Variants in CERT1 observed in about 807,000 individuals in gnomAD.
The protein encoded by CERT1 is ceramide transporter 1, also known as ceramide transfer protein.
In CERT1, 31 loss-of-function variants were observed where a neutral mutation model predicts 87.9. The ratio of observed to expected loss-of-function variants is 0.35; its 90% confidence interval spans 0.27 to 0.48. The LOEUF (loss-of-function observed/expected upper bound fraction) is 0.48. Ranked by LOEUF, CERT1 falls within the 20% of genes least tolerant of loss-of-function variation. The pLI is 0.99. For missense variants in CERT1, 487 were observed against 758.0 expected (o/e 0.64, Z 4.20); for synonymous variants, 289 against 250.9 (o/e 1.15, Z -1.44).
chr5:75,402,141 T>A (rs1200705656), intron 9 of CERT1: 14 of 152,144 alleles, frequency 9.2e-5, no homozygotes. Flanking sequence ...GTAACTGCTA[T>A]ACACTCAATA....
intron 3 of CERT1, among the ~76,000 whole-genome samples, chr5:75,458,383 CA>C (rs1446387810): frequency 1.3e-5 from 2 of 151,974 alleles, no homozygotes; most frequent in Non-Finnish European, 2.9e-5. Context: ...TAACAAAAAT[CA>C]ACATTGAAAC....
intron 2 of CERT1, among the ~76,000 whole-genome samples, chr5:75,492,692 A>G (rs117196531): frequency 6.6e-6 from 1 of 152,198 alleles, no homozygotes; most frequent in East Asian, 1.9e-4. Context: ...TGAGATTGTT[A>G]GAACAAATAG....
intron 3 of CERT1, among the ~76,000 whole-genome samples, chr5:75,458,105 C>CAT (rs1765077902): frequency 6.6e-6 from 1 of 152,032 alleles, no homozygotes; most frequent in Non-Finnish European, 1.5e-5. Flanking sequence ...TCTCTTAAGT[C>CAT]ATACTCAAGA....
intron 5 of CERT1, among the ~76,000 whole-genome samples, chr5:75,422,165 C>T (rs1473472466): frequency 6.6e-6 from 1 of 152,098 alleles, no homozygotes; most frequent in Non-Finnish European, 1.5e-5. Context: ...GGGTATGATA[C>T]AATTATTTCT....
At chr5:75,474,528 T>C (rs1017434723) in intron 2 of CERT1, among the ~76,000 whole-genome samples, 3 of 152,116 alleles carry the variant, frequency 2.0e-5, no homozygotes, top group Non-Finnish European at 4.4e-5. Flanking sequence ...TAAATGATTT[T>C]AGGCACTAAT....
intron 3 of CERT1, among the ~76,000 whole-genome samples, chr5:75,456,552 T>A (rs985501485): frequency 2.0e-5 from 3 of 150,188 alleles, no homozygotes; most frequent in African/African-American, 7.4e-5. Flanking sequence ...TGCATGCCTG[T>A]AGTCCCAGCT....
intron 2 of CERT1, among the ~76,000 whole-genome samples, chr5:75,489,452 G>C (rs1766673317): frequency 6.6e-6 from 1 of 152,154 alleles, no homozygotes; most frequent in African/African-American, 2.4e-5. Flanking sequence ...TCATCAGAGT[G>C]AACAGGCAAC....
intron 2 of CERT1, among the ~76,000 whole-genome samples, chr5:75,464,750 A>AT (rs916993778): frequency 2.0e-5 from 3 of 151,876 alleles, no homozygotes; most frequent in African/African-American, 7.3e-5. Context: ...TAATTTTTGT[A>AT]TTTTTTGTAG....
intron 2 of CERT1, among the ~76,000 whole-genome samples, chr5:75,501,048 G>GCAT (rs1277378283): frequency 6.6e-6 from 1 of 151,384 alleles, no homozygotes; most frequent in Non-Finnish European, 1.5e-5. Context: ...GAGGGCAATG[G>GCAT]CATCACCTTG....
chr5:75,390,453 A>T (rs977679655), intron 11 of CERT1, among the ~76,000 whole-genome samples: 1 of 151,950 alleles, frequency 6.6e-6, no homozygotes, highest in Admixed American at 6.6e-5. Flanking sequence ...TCCTTTTAAA[A>T]TTTTTTAATT....
chr5:75,441,789 AT>A (rs1764335142), intron 3 of CERT1, among the ~76,000 whole-genome samples: 1 of 152,128 alleles, frequency 6.6e-6, no homozygotes, highest in African/African-American at 2.4e-5. Context: ...GATATACCAC[AT>A]TTTGCTTATA....
intron 12 of CERT1, among the ~76,000 whole-genome samples, chr5:75,389,076 T>C (rs1047840401): frequency 6.6e-6 from 1 of 152,224 alleles, no homozygotes; most frequent in Non-Finnish European, 1.5e-5. Flanking sequence ...AATCCATCTC[T>C]GTATCTCTCA....
chr5:75,473,839 A>G (rs1341348545), intron 2 of CERT1, among the ~76,000 whole-genome samples: 1 of 152,216 alleles, frequency 6.6e-6, no homozygotes, highest in Non-Finnish European at 1.5e-5. Flanking sequence ...TACAATAAAT[A>G]CATGTTACAT....
intron 3 of CERT1, among the ~76,000 whole-genome samples, chr5:75,442,945 T>C (rs1413088160): frequency 6.6e-6 from 1 of 152,192 alleles, no homozygotes; most frequent in Non-Finnish European, 1.5e-5. Flanking sequence ...TAAGTATGTA[T>C]GCATAGGAAA....
intron 3 of CERT1, among the ~76,000 whole-genome samples, chr5:75,457,627 G>A (rs1194078330): frequency 2.0e-5 from 3 of 151,738 alleles, no homozygotes; most frequent in African/African-American, 4.8e-5. Context: ...AAAAAGAAAG[G>A]TAACATAGTC....
chr5:75,491,090 A>T (rs1766772479), intron 2 of CERT1, among the ~76,000 whole-genome samples: 1 of 151,922 alleles, frequency 6.6e-6, no homozygotes. Context: ...GATTTGTATG[A>T]ATTTTTCCCT....
At chr5:75,483,634 G>A (rs949761004) in intron 2 of CERT1, among the ~76,000 whole-genome samples, 6 of 152,152 alleles carry the variant, frequency 3.9e-5, no homozygotes, top group Admixed American at 3.9e-4. Flanking sequence ...ATACAATGGA[G>A]CTCCAATACA....
At chr5:75,461,832 A>C (rs12659331) in intron 2 of CERT1, among the ~76,000 whole-genome samples, 8,223 of 151,640 alleles carry the variant, frequency 0.054, 300 homozygotes, top group East Asian at 0.18. Flanking sequence ...AAAAAAAAAA[A>C]AAAAACGAGA....
intron 2 of CERT1, among the ~76,000 whole-genome samples, chr5:75,478,787 CT>C (rs1319927604): frequency 3.2e-4 from 49 of 151,836 alleles, no homozygotes; most frequent in African/African-American, 4.8e-5. Context: ...CCTCTACCCC[CT>C]ATCTGATACT....
Sources: gnomAD v4.1 joint callset for allele counts (sites outside exome capture counted in the v4.1 genomes callset) on GRCh38, gnomAD v4.1.1 for gene constraint, MANE v1.5 for transcripts, NCBI Gene and HGNC (gene_info 2026-07-23, HGNC 2026-07-21) for gene names.